PLCXD2: variants seen among roughly 807,000 people sequenced by gnomAD.
PLCXD2 encodes PI-PLC X domain-containing protein 2.
Under a neutral mutation model 28.6 loss-of-function variants are expected in PLCXD2, and 21 were observed. The ratio of observed to expected loss-of-function variants is 0.73; its 90% confidence interval spans 0.52 to 1.06. PLCXD2 has a LOEUF of 1.06. PLCXD2 is among the 50% of genes least tolerant of loss of function. The pLI is 0.00. For missense variants in PLCXD2, 369 were observed against 376.7 expected (o/e 0.98, Z 0.17); for synonymous variants, 140 against 150.1 (o/e 0.93, Z 0.49).
At chr3:111,722,325 AC>A (rs1941358411) in intron 3 of PLCXD2, 1 of 152,062 alleles carries the variant, frequency 6.6e-6, no homozygotes, top group African/African-American at 2.4e-5. Flanking sequence ...CCTGAACAGG[AC>A]CACGCATCTC....
intron 1 of PLCXD2, among the ~76,000 whole-genome samples, chr3:111,686,528 GA>G (rs984680229): frequency 1.3e-5 from 2 of 152,216 alleles, no homozygotes; most frequent in Non-Finnish European, 2.9e-5. Flanking sequence ...ATGTTGAGAA[GA>G]AGGTTTAAAG....
intron 2 of PLCXD2, 120 bp downstream of exon 2, chr3:111,708,506 G>C (rs1042576434): frequency 3.0e-6 from 3 of 993,142 alleles, no homozygotes; most frequent in East Asian, 2.6e-5. Context: ...TGGATTGTTT[G>C]GAATATTAAA....
chr3:111,718,187 A>G (rs1379597450), intron 3 of PLCXD2, among the ~76,000 whole-genome samples: 1 of 152,294 alleles, frequency 6.6e-6, no homozygotes, highest in South Asian at 2.1e-4. Flanking sequence ...AATATAGGCC[A>G]GGCGCAGTGG....
At chr3:111,710,234 G>A (rs1283733453) in intron 2 of PLCXD2, among the ~76,000 whole-genome samples, 1 of 152,172 alleles carries the variant, frequency 6.6e-6, no homozygotes, top group African/African-American at 2.4e-5. Context: ...TAAGACTTTT[G>A]TAAGTGATAT....
chr3:111,684,975 G>A (rs1371400040), intron 1 of PLCXD2, among the ~76,000 whole-genome samples: 1 of 152,084 alleles, frequency 6.6e-6, no homozygotes, highest in Admixed American at 6.5e-5. Context: ...GGAAGTTAGT[G>A]GCATTCTCAG....
chr3:111,680,035 T>C (rs1036401336), intron 1 of PLCXD2, among the ~76,000 whole-genome samples: 1 of 152,232 alleles, frequency 6.6e-6, no homozygotes, highest in Non-Finnish European at 1.5e-5. Context: ...CCCAGATGAT[T>C]CTCTGATCTC....
At chr3:111,713,478 C>A (rs897959116) in intron 2 of PLCXD2, among the ~76,000 whole-genome samples, 3 of 152,152 alleles carry the variant, frequency 2.0e-5, no homozygotes, top group Non-Finnish European at 4.4e-5. Context: ...ATTAGACTTA[C>A]AACAAAATAT....
At chr3:111,684,051 G>A (rs1940756225) in intron 1 of PLCXD2, among the ~76,000 whole-genome samples, 1 of 152,126 alleles carries the variant, frequency 6.6e-6, no homozygotes, top group South Asian at 2.1e-4. Flanking sequence ...GCCATGTTAG[G>A]CCAGGCGTGG....
intron 1 of PLCXD2, among the ~76,000 whole-genome samples, chr3:111,700,867 A>G (rs1941031720): frequency 6.6e-6 from 1 of 152,164 alleles, no homozygotes; most frequent in Non-Finnish European, 1.5e-5. Flanking sequence ...GGCAGAATAT[A>G]AAAGTCAGGT....
chr3:111,714,012 T>G lies in PLCXD2; in HGVS notation c.750T>G (p.Thr250=). 1 of 1,614,132 alleles carries G rather than the reference T, an allele frequency of 6.2e-7. No homozygotes were observed. The highest frequency in any genetic ancestry group is 8.5e-7 in the Non-Finnish European group (1 of 1,180,034). The change falls in exon 3 of 5, where the codon ACT becomes ACG. Residue 250 remains threonine, a synonymous_variant. Transcript: ENST00000477665. ...AACTAATCCTCTTCTTGGAGACCAC[T>G]CTGAGTGAGCGGGCCTCACGGGGCT...
At chr3:111,712,239 T>C (rs546412038) in intron 2 of PLCXD2, among the ~76,000 whole-genome samples, 150 of 152,186 alleles carry the variant, frequency 9.9e-4, no homozygotes, top group Non-Finnish European at 2.1e-3. Flanking sequence ...AATTTGTACT[T>C]AATGCACTTT....
rs61756476 is a variant in PLCXD2, at chr3:111,675,366, C to G, written c.121C>G (p.Pro41Ala). The change falls in exon 1 of 5, where the codon CCT becomes GCT. Residue 41 changes from proline (P) to alanine (A), a missense_variant. Pro to Ala is a conservative substitution (Grantham distance 27, BLOSUM62 -1). Coordinates refer to ENST00000477665, the MANE Select transcript of PLCXD2 (RefSeq NM_001185106.1). ...TGCCGACTGGATGGCCTCGCTCCCC[C>G]CTCACCTCCACAACCTCCCCCTTTC... is the stretch of plus-strand genomic sequence containing the variant. The G allele has an allele frequency of 2.4e-3, 3,952 of 1,614,178 alleles. 135 individuals carry two copies. In the East Asian group the frequency reaches 0.074, roughly 30 times the overall value.
At chr3:111,684,817 G>C (rs376328907) in intron 1 of PLCXD2, among the ~76,000 whole-genome samples, 2 of 152,126 alleles carry the variant, frequency 1.3e-5, no homozygotes, top group Non-Finnish European at 2.9e-5. Context: ...GACCAATTAG[G>C]TTGCTGATGA....
In PLCXD2 at chr3:111,675,367, C is replaced by G. The variant is rs772539605; in HGVS notation, c.122C>G (p.Pro41Arg). 5 of 1,614,190 alleles carry G rather than the reference C, an allele frequency of 3.1e-6. No homozygotes were observed. Among genetic ancestry groups the G allele is most frequent in the Admixed American group, 1.7e-5 (1 of 60,022 alleles). ...GCCGACTGGATGGCCTCGCTCCCCC[C>G]TCACCTCCACAACCTCCCCCTTTCC... The change falls in exon 1 of 5, where the codon CCT becomes CGT. Residue 41 changes from proline (P) to arginine (R), a missense_variant. Pro to Arg is a moderately radical substitution (Grantham distance 103). Transcript: ENST00000477665.
intron 1 of PLCXD2, among the ~76,000 whole-genome samples, chr3:111,679,219 T>G (rs1266649460): frequency 6.6e-6 from 1 of 152,134 alleles, no homozygotes; most frequent in Non-Finnish European, 1.5e-5. Context: ...TGATCTAGAA[T>G]TTGAGGAATG....
chr3:111,705,751 A>T (rs142381213), intron 1 of PLCXD2, among the ~76,000 whole-genome samples: 3 of 151,542 alleles, frequency 2.0e-5, no homozygotes, highest in African/African-American at 7.3e-5. Context: ...CATTTCCTTG[A>T]TGATTAGCGA....
intron 2 of PLCXD2, among the ~76,000 whole-genome samples, chr3:111,709,204 T>C (rs1016213446): frequency 1.3e-5 from 2 of 152,142 alleles, no homozygotes; most frequent in Non-Finnish European, 2.9e-5. Context: ...AGGAGGAGCT[T>C]TTGATTAAAA....
chr3:111,695,827 C>T (rs2107851041), intron 1 of PLCXD2, among the ~76,000 whole-genome samples: 2 of 152,304 alleles, frequency 1.3e-5, no homozygotes, highest in East Asian at 1.9e-4. Flanking sequence ...CTTCATCACG[C>T]TCCTCAGAAT....
chr3:111,720,115 T>G (rs535791115), intron 3 of PLCXD2, among the ~76,000 whole-genome samples: 1 of 152,316 alleles, frequency 6.6e-6, no homozygotes, highest in African/African-American at 2.4e-5. Context: ...GCTGCAAAAT[T>G]CTTTCAACAT....
Sources: allele counts gnomAD v4.1 joint callset (sites outside exome capture counted in the v4.1 genomes callset), GRCh38; gene constraint gnomAD v4.1.1; transcripts MANE v1.5; gene names NCBI Gene and HGNC (gene_info 2026-07-23, HGNC 2026-07-21).